Variants in CARS2 observed in about 807,000 individuals in gnomAD.
The protein encoded by CARS2 is probable cysteine--tRNA ligase, mitochondrial.
Under a neutral mutation model 68.8 loss-of-function variants are expected in CARS2, and 52 were observed. That is an observed-to-expected ratio of 0.76 (90% CI 0.61 to 0.95). The LOEUF is 0.95. Ranked by LOEUF, CARS2 falls within the 40% of genes least tolerant of loss-of-function variation. CARS2 has a pLI of 0.00. For synonymous variants in CARS2, 314 were observed against 303.6 expected, an observed-to-expected ratio of 1.03 and a Z score of -0.36; for missense variants, 780 against 754.2, an observed-to-expected ratio of 1.03 and a Z score of -0.40.
At chr13:110,664,751 G>C (rs918799347) in intron 8 of CARS2, 36 of 610,310 alleles carry the variant, frequency 5.9e-5, no homozygotes, top group Non-Finnish European at 7.4e-5. Flanking sequence ...ACTGAAGGCA[G>C]GGCCTGTGGG....
rs1298276252 is a variant in CARS2 at position 110,646,903 on chromosome 13, T to C, written c.1193+198A>G. ...CCAGCTCCCAGTCCCCTGTGGCCTC[T>C]GGGGAGCCCCTGACCCCACACCTGC... On this transcript the variant is annotated intron_variant, in intron 11 of 14. Coordinates refer to ENST00000257347, the MANE Select transcript of CARS2 (RefSeq NM_024537.4). The C allele has an allele frequency of 8.5e-6, 5 of 586,286 alleles. No homozygotes were observed. In the East Asian group the frequency reaches 1.5e-4, roughly 17 times the overall value. The allele number at this position is 586,286 out of a possible 1,614,324, so 36.3% of individuals were successfully genotyped here.
At chr13:110,686,248 T>C (rs1359957476) in intron 5 of CARS2, among the ~76,000 whole-genome samples, 3 of 151,290 alleles carry the variant, frequency 2.0e-5, no homozygotes, top group Non-Finnish European at 3.0e-5. Context: ...CACGCTTTTT[T>C]TTTTTTTTTT....
chr13:110,707,817 C>T (rs566392347), upstream of CARS2, among the ~76,000 whole-genome samples: 3 of 152,310 alleles, frequency 2.0e-5, no homozygotes, highest in African/African-American at 7.2e-5. Flanking sequence ...TAAGTAGAGA[C>T]AAACAAGTGT....
At chr13:110,660,556 C>A (rs1035580802) in intron 9 of CARS2, among the ~76,000 whole-genome samples, 1 of 152,154 alleles carries the variant, frequency 6.6e-6, no homozygotes, top group Non-Finnish European at 1.5e-5. Context: ...AGCATAAAAA[C>A]AATATTACTC....
upstream of CARS2, among the ~76,000 whole-genome samples, chr13:110,709,937 C>T (rs2064013111): frequency 1.3e-5 from 2 of 152,030 alleles, no homozygotes; most frequent in Non-Finnish European, 2.9e-5. Flanking sequence ...ACAACAATAA[C>T]AAAATCAAGT....
intron 5 of CARS2, among the ~76,000 whole-genome samples, chr13:110,686,861 C>G (rs2063316952): frequency 6.6e-6 from 1 of 151,710 alleles, no homozygotes; most frequent in African/African-American, 2.4e-5. Flanking sequence ...CCTGGCCCTG[C>G]AACTTTTTGT....
intron 3 of CARS2, among the ~76,000 whole-genome samples, 161 bp from the exon 4 acceptor site, chr13:110,688,179 G>A (rs560141276): frequency 3.9e-5 from 6 of 152,318 alleles, no homozygotes; most frequent in Admixed American, 6.5e-5. Flanking sequence ...CAAAGCGGGG[G>A]CACTCATTTT....
intron 5 of CARS2, among the ~76,000 whole-genome samples, chr13:110,685,098 C>A (rs2063261251): frequency 6.6e-6 from 1 of 152,040 alleles, no homozygotes; most frequent in African/African-American, 2.4e-5. Context: ...AAGCACAGGC[C>A]CACATATCTT....
At chr13:110,694,821 T>C (rs1003241587) in intron 3 of CARS2, among the ~76,000 whole-genome samples, 6 of 152,030 alleles carry the variant, frequency 3.9e-5, no homozygotes, top group African/African-American at 9.7e-5. Context: ...TAAAAACAAG[T>C]CTTGGAGCAG....
intron 2 of CARS2, among the ~76,000 whole-genome samples, chr13:110,701,790 T>C (rs892472529): frequency 6.6e-5 from 10 of 152,206 alleles, no homozygotes; most frequent in Non-Finnish European, 2.9e-5. Flanking sequence ...GACACAATAT[T>C]AGCATTTTTA....
intron 3 of CARS2, among the ~76,000 whole-genome samples, chr13:110,689,509 G>A (rs1360840392): frequency 6.6e-6 from 1 of 152,258 alleles, no homozygotes; most frequent in Non-Finnish European, 1.5e-5. Context: ...AAGCAAGCTG[G>A]TGAACTATGC....
At chr13:110,704,365 G>A (rs988133612) in intron 2 of CARS2, among the ~76,000 whole-genome samples, 23 of 152,150 alleles carry the variant, frequency 1.5e-4, no homozygotes, top group African/African-American at 3.4e-4. Flanking sequence ...GAAAGATGTC[G>A]AAATATGCTT....
At chr13:110,667,266 T>C (rs1480835322) in intron 8 of CARS2, 74 bp downstream of exon 8, 1 of 1,350,038 alleles carries the variant, frequency 7.4e-7, no homozygotes, top group South Asian at 1.4e-5. Context: ...TATTTCCAAA[T>C]GTAGCTGTTC....
chr13:110,679,085 T>A (rs1159443824), intron 6 of CARS2, among the ~76,000 whole-genome samples: 4 of 71,822 alleles, frequency 5.6e-5, no homozygotes, highest in South Asian at 5.0e-4. Context: ...TGGCCCTGAA[T>A]TTGAGTATCA....
At chr13:110,700,867 A>G (rs2063764146) in intron 3 of CARS2, among the ~76,000 whole-genome samples, 1 of 152,212 alleles carries the variant, frequency 6.6e-6, no homozygotes, top group African/African-American at 2.4e-5. Flanking sequence ...CCAGGAGACG[A>G]CCACAGAAGG....
Position 110,647,557 on chromosome 13 carries a change from G to A in CARS2, c.1055-318C>T, listed in dbSNP as rs55634468. On this transcript the variant is annotated intron_variant, in intron 10 of 14. Transcript: ENST00000257347. ...ATGAATGGCTGGCTCTGGAAAGAAGGAGCCCCGCCCTGGATGGATGGAGGT... is the reference window on the plus strand; with the variant it reads ...ATGAATGGCTGGCTCTGGAAAGAAGAAGCCCCGCCCTGGATGGATGGAGGT... Among the ~76,000 whole-genome samples the A allele has an allele frequency of 0.036, 5,497 of 151,996 alleles. 365 individuals are homozygous for A. Among genetic ancestry groups the A allele is most frequent in the African/African-American group, 0.13 (5,207 of 41,418 alleles).
At position 110,687,794 on chromosome 13, in the gene CARS2, G is replaced by C. The variant is rs757335344; in HGVS notation, c.498C>G (p.Thr166=). ...AAGAAATTATCTGAGGAATATTTTC[G>C]GTTACCCTCAGGTACACCGTGGGTG... The part of the protein sequence containing the change: ...VLPPTVYLRV[T]ENIPQIISFI... Residue 166 remains threonine (T), a synonymous_variant, in exon 5 of 15, where the codon ACC becomes ACG. Coordinates refer to ENST00000257347, the MANE Select transcript of CARS2 (RefSeq NM_024537.4). The C allele has an allele frequency of 3.3e-5, 53 of 1,612,988 alleles. No individual in the cohort carries two copies. Among genetic ancestry groups the C allele is most frequent in the Non-Finnish European group, 4.3e-5 (51 of 1,179,428 alleles).
chr13:110,658,922 C>CA (rs2062436239), intron 9 of CARS2, among the ~76,000 whole-genome samples: 1 of 151,496 alleles, frequency 6.6e-6, no homozygotes, highest in African/African-American at 2.4e-5. Context: ...GTGAGACTAA[C>CA]AAAAAAACAA....
Position 110,667,472 on chromosome 13 carries a change from T to C in CARS2, c.787A>G (p.Met263Val), listed in dbSNP as rs2062681178. The change falls in exon 8 of 15, where the codon ATG (methionine) becomes GTG (valine). Residue 263 changes from methionine to valine, a missense_variant and splice_region_variant. Coordinates refer to ENST00000257347, the MANE Select transcript of CARS2 (RefSeq NM_024537.4). ...WHIECSAIAS[M>V]VFGSQLDIHS... Reference sequence around the variant, plus strand: ...ATATCCAGTTGACTTCCAAATACCATACTGCAAGACACAGTGCAAAGTAGT... The same window carrying C: ...ATATCCAGTTGACTTCCAAATACCACACTGCAAGACACAGTGCAAAGTAGT... 1 of 1,613,688 alleles carries C rather than the reference T, an allele frequency of 6.2e-7. No individual in the cohort carries two copies.
Sources: gnomAD v4.1 joint callset for allele counts (sites outside exome capture counted in the v4.1 genomes callset) on GRCh38, gnomAD v4.1.1 for gene constraint, MANE v1.5 for transcripts, NCBI Gene and HGNC (gene_info 2026-07-23, HGNC 2026-07-21) for gene names.